PCDH9: variants seen among roughly 807,000 people sequenced by gnomAD.
PCDH9 encodes the protein protocadherin 9, also known as protocadherin-9.
A neutral mutation model predicts 70.6 loss-of-function variants in PCDH9; 24 were observed. The observed-to-expected ratio is 0.34, with a 90% CI of 0.25 to 0.48. The LOEUF is 0.48. Among genes scored for constraint, PCDH9 ranks in the 20% least tolerant of loss-of-function variants. The pLI is 0.99. For missense variants in PCDH9, 1,281 were observed against 1,503.6 expected (o/e 0.85, Z 2.45); for synonymous variants, 562 against 558.5 (o/e 1.01, Z -0.09).
chr13:66,961,399 T>A (rs1010028005), intron 2 of PCDH9, among the ~76,000 whole-genome samples: 8 of 152,184 alleles, frequency 5.3e-5, no homozygotes, highest in Non-Finnish European at 1.0e-4. Flanking sequence ...AATTATTGAT[T>A]TAACTAACAA....
At chr13:67,145,608 C>A (rs544149274) in intron 2 of PCDH9, among the ~76,000 whole-genome samples, 135 of 148,040 alleles carry the variant, frequency 9.1e-4, no homozygotes, top group Non-Finnish European at 1.5e-3. Context: ...TACAAAAAAA[C>A]CCATCTTTTG....
chr13:66,750,474 GT>G (rs1191983951), intron 3 of PCDH9, among the ~76,000 whole-genome samples: 2 of 151,934 alleles, frequency 1.3e-5, no homozygotes, highest in Non-Finnish European at 2.9e-5. Context: ...AAAATGTGAA[GT>G]GAAACTTCTG....
chr13:66,462,002 C>T (rs1958433054), intron 4 of PCDH9, among the ~76,000 whole-genome samples: 1 of 151,706 alleles, frequency 6.6e-6, no homozygotes, highest in South Asian at 2.1e-4. Context: ...TGCAGCAGTG[C>T]AACAAGCTGG....
At chr13:67,100,649 G>T (rs1293461104) in intron 2 of PCDH9, among the ~76,000 whole-genome samples, 1 of 152,156 alleles carries the variant, frequency 6.6e-6, no homozygotes, top group Non-Finnish European at 1.5e-5. Flanking sequence ...ATTCCAAAAA[G>T]ATCGTGCATT....
At chr13:66,789,297 C>T (rs930673737) in intron 3 of PCDH9, among the ~76,000 whole-genome samples, 1 of 152,130 alleles carries the variant, frequency 6.6e-6, no homozygotes, top group Non-Finnish European at 1.5e-5. Flanking sequence ...CACCCTTTCA[C>T]CTCAAGGCAA....
At chr13:66,584,987 G>A (rs2138794160) in intron 4 of PCDH9, among the ~76,000 whole-genome samples, 1 of 152,194 alleles carries the variant, frequency 6.6e-6, no homozygotes, top group African/African-American at 2.4e-5. Context: ...AAAATTGTTT[G>A]TAGAAAGGCA....
chr13:66,870,196 T>C (rs1389062794), intron 3 of PCDH9, among the ~76,000 whole-genome samples: 1 of 152,182 alleles, frequency 6.6e-6, no homozygotes. Flanking sequence ...TCCCCATTGC[T>C]TGTTTTTCTC....
chr13:66,481,274 G>T (rs1958831014), intron 4 of PCDH9, among the ~76,000 whole-genome samples: 1 of 149,144 alleles, frequency 6.7e-6, no homozygotes, highest in Non-Finnish European at 1.5e-5. Context: ...TGCACGTTCT[G>T]TACATGTACC....
At position 67,058,241 on chromosome 13, in the gene PCDH9, C is replaced by T. The variant is rs373567969; in HGVS notation, c.3037-154636G>A. 7.2e-5 allele frequency among the ~76,000 whole-genome samples: 11 copies of T among 152,080 alleles called. No individual in the cohort carries two copies. The East Asian group carries it at 1.7e-3, about 24-fold the overall frequency. Reference sequence around the variant, plus strand: ...ATATATCTTTGTGTCTATGTGTATACGTCCACACACACGTGCGAACATACA... The same window carrying T: ...ATATATCTTTGTGTCTATGTGTATATGTCCACACACACGTGCGAACATACA... On this transcript the variant is annotated intron_variant, in intron 2 of 4. Coordinates refer to ENST00000377865, the MANE Select transcript of PCDH9 (RefSeq NM_203487.3).
intron 3 of PCDH9, among the ~76,000 whole-genome samples, chr13:66,841,241 A>G (rs1299132313): frequency 6.6e-6 from 1 of 152,232 alleles, no homozygotes. Flanking sequence ...CACCTAAATA[A>G]GGAATGCATA....
intron 3 of PCDH9, among the ~76,000 whole-genome samples, chr13:66,739,479 T>G (rs1001038654): frequency 1.3e-5 from 2 of 148,998 alleles, no homozygotes; most frequent in East Asian, 2.0e-4. Flanking sequence ...AGGATCAAAT[T>G]CACACATAAC....
chr13:66,846,893 A>ACACC (rs1414064926), intron 3 of PCDH9, among the ~76,000 whole-genome samples: 3 of 151,466 alleles, frequency 2.0e-5, no homozygotes, highest in Non-Finnish European at 4.4e-5. Flanking sequence ...ATACACACAC[A>ACACC]CACACACACA....
Position 66,995,352 on chromosome 13 carries a change from G to A in PCDH9, c.3037-91747C>T, listed in dbSNP as rs2084092067. Among the ~76,000 whole-genome samples the A allele has an allele frequency of 2.0e-5, 3 of 152,094 alleles. No homozygotes were observed. In the South Asian group the frequency reaches 6.2e-4, roughly 32 times the overall value. The stretch of plus-strand genomic sequence containing the variant: ...TTCACAAGCACCACGGGCGAAGTGA[G>A]GTTTTTAAAAATGCTGAGGCTAACA... On this transcript the variant is annotated intron_variant, in intron 2 of 4. Transcript: ENST00000377865.
At chr13:67,017,955 A>G (rs1315912669) in intron 2 of PCDH9, among the ~76,000 whole-genome samples, 3 of 152,222 alleles carry the variant, frequency 2.0e-5, no homozygotes, top group African/African-American at 7.2e-5. Flanking sequence ...CCAGAGATAT[A>G]CAACTCAGCT....
chr13:66,563,247 A>G (rs1046219296), intron 4 of PCDH9, among the ~76,000 whole-genome samples: 3 of 152,148 alleles, frequency 2.0e-5, no homozygotes, highest in African/African-American at 7.2e-5. Context: ...ACAGCATCAT[A>G]GTCTATCAAG....
At chr13:66,706,513 A>G (rs529301043) in intron 3 of PCDH9, among the ~76,000 whole-genome samples, 8 of 152,346 alleles carry the variant, frequency 5.3e-5, no homozygotes, top group Admixed American at 2.6e-4. Flanking sequence ...GGTAAATATT[A>G]CATGCTTAAC....
At chr13:67,033,467 A>C (rs922929730) in intron 2 of PCDH9, among the ~76,000 whole-genome samples, 2 of 152,190 alleles carry the variant, frequency 1.3e-5, no homozygotes, top group African/African-American at 4.8e-5. Context: ...TCTGTACCTA[A>C]AGGAATGTTC....
At position 66,527,781 on chromosome 13, in the gene PCDH9, G is replaced by A. The variant is rs929129187; in HGVS notation, c.3340+103429C>T. 3.3e-5 allele frequency among the ~76,000 whole-genome samples: 5 copies of A among 152,148 alleles called. No individual in the cohort carries two copies. The East Asian group carries it at 9.6e-4, about 29-fold the overall frequency. ...GTCTGTAATCCCAGCACTCTGGGAG[G>A]CCAAGGCGGGCAGATCACTTGAGGT... On this transcript the variant is annotated intron_variant, in intron 4 of 4. Coordinates refer to ENST00000377865, the MANE Select transcript of PCDH9 (RefSeq NM_203487.3).
intron 4 of PCDH9, among the ~76,000 whole-genome samples, chr13:66,515,891 T>C (rs2138595705): frequency 6.6e-6 from 1 of 152,166 alleles, no homozygotes; most frequent in South Asian, 2.1e-4. Flanking sequence ...TTTTTGAGAA[T>C]ATGAGATCAC....
Sources: gnomAD v4.1 joint callset for allele counts (sites outside exome capture counted in the v4.1 genomes callset) on GRCh38, gnomAD v4.1.1 for gene constraint, MANE v1.5 for transcripts, NCBI Gene and HGNC (gene_info 2026-07-23, HGNC 2026-07-21) for gene names.